The following VWA5B1 variants were observed in gnomAD, a reference collection of about 807,000 sequenced individuals.
VWA5B1 encodes the protein von Willebrand factor A domain-containing protein 5B1.
VWA5B1 carries 115 observed loss-of-function variants against 118.2 expected under a neutral mutation model. The observed-to-expected ratio is 0.97, with a 90% CI of 0.84 to 1.14. The LOEUF is 1.14. Among genes scored for constraint, VWA5B1 ranks in the 50% most tolerant of loss-of-function variants. VWA5B1 has a pLI of 0.00. For synonymous variants in VWA5B1, 682 were observed against 658.4 expected (o/e 1.04, Z -0.55); for missense variants, 1,596 against 1,603.8 (o/e 1.00, Z 0.08).
At chr1:20,342,956 G>T in intron 15 of VWA5B1, 123 bp from the exon 16 acceptor site, 1 of 1,434,858 alleles carries the variant, frequency 7.0e-7, no homozygotes. Flanking sequence ...CTGTTCCCTG[G>T]GGAGATGGAG....
intron 18 of VWA5B1, 35 bp from the exon 19 acceptor site, chr1:20,350,121 G>C: frequency 6.5e-7 from 1 of 1,543,206 alleles, no homozygotes; most frequent in Non-Finnish European, 8.8e-7. Context: ...GGAAGGGAGG[G>C]GAGAGGTCCA....
chr1:20,324,528 G>C (rs1016963688), intron 8 of VWA5B1, among the ~76,000 whole-genome samples: 3 of 152,182 alleles, frequency 2.0e-5, no homozygotes, highest in African/African-American at 7.2e-5. Flanking sequence ...ATGGGGCCTA[G>C]CTCTGTGTTT....
At chr1:20,306,831 GA>G (rs1317349970) in intron 1 of VWA5B1, among the ~76,000 whole-genome samples, 2 of 152,150 alleles carry the variant, frequency 1.3e-5, no homozygotes, top group African/African-American at 4.8e-5. Context: ...ATTTCATCAG[GA>G]AAACACAGTC....
intron 1 of VWA5B1, among the ~76,000 whole-genome samples, chr1:20,306,596 G>C (rs1284716608): frequency 6.6e-6 from 1 of 152,196 alleles, no homozygotes; most frequent in Middle Eastern, 3.2e-3. Context: ...GTCCTTCAGT[G>C]TCCTTGGGAG....
intron 1 of VWA5B1, among the ~76,000 whole-genome samples, chr1:20,304,030 C>G (rs1388963983): frequency 2.0e-5 from 3 of 152,210 alleles, no homozygotes; most frequent in African/African-American, 7.2e-5. Flanking sequence ...GCCTGTAAAG[C>G]ACTAGAACCT....
At chr1:20,333,573 TC>T (rs1433117928) in intron 12 of VWA5B1, among the ~76,000 whole-genome samples, 2 of 152,316 alleles carry the variant, frequency 1.3e-5, no homozygotes, top group East Asian at 3.9e-4. Context: ...TTACATAATT[TC>T]CCCTAAGTGA....
At chr1:20,351,219 T>G (rs932225600) in intron 20 of VWA5B1, among the ~76,000 whole-genome samples, 5 of 152,172 alleles carry the variant, frequency 3.3e-5, no homozygotes, top group South Asian at 2.1e-4. Context: ...AAGAATGTGA[T>G]AGTAAAAGAG....
chr1:20,317,752 GGGAA>G, intron 5 of VWA5B1, 77 bp downstream of exon 5: 2 of 765,524 alleles, frequency 2.6e-6, no homozygotes, highest in Non-Finnish European at 4.1e-6. Context: ...GGACGGGGGT[GGGAA>G]GGAAAGCCAA....
intron 18 of VWA5B1, among the ~76,000 whole-genome samples, chr1:20,348,584 T>C (rs2090058450): frequency 6.6e-6 from 1 of 152,060 alleles, no homozygotes; most frequent in Non-Finnish European, 1.5e-5. Context: ...CAGTTCTCTC[T>C]TTGCCAGGGA....
In VWA5B1 at chr1:20,337,836, G is replaced by A; in HGVS notation, c.2133G>A (p.Gln711=). 3 of 1,551,702 alleles carry A rather than the reference G, an allele frequency of 1.9e-6. No homozygotes were observed. Among genetic ancestry groups the A allele is most frequent in the African/African-American group, 1.4e-5 (1 of 73,152 alleles). Residue 711 remains glutamine, a splice_region_variant and synonymous_variant, in exon 14 of 22, where the codon CAG becomes CAA. Transcript: ENST00000289815. ...LDVQRWQIDL[Q]PLLNSGQDLN... is the part of the protein sequence containing the mutation. ...TCCAGCGGTGGCAGATTGATTTGCA[G>A]GTACCCAAGCAGGACAGATTAGGGA...
At chr1:20,297,884 C>T (rs2088434328) in intron 1 of VWA5B1, among the ~76,000 whole-genome samples, 1 of 151,534 alleles carries the variant, frequency 6.6e-6, no homozygotes, top group African/African-American at 2.4e-5. Context: ...CCGTATTTTG[C>T]TCCTATTCAT....
chr1:20,314,382 C>A lies in VWA5B1; in HGVS notation c.353C>A (p.Thr118Asn), dbSNP rs755532956. The change falls in exon 4 of 22, where the codon ACC (threonine) becomes AAC (asparagine). Residue 118 changes from threonine to asparagine, a missense_variant. Physicochemically the swap from Thr to Asn is moderately conservative, Grantham distance 65. Transcript: ENST00000289815. ...CATTCCTGCACACCGGGAAAGGTGACCTTGGACGAGGATTTGGAGCGGATC... is the reference window on the plus strand; with the variant it reads ...CATTCCTGCACACCGGGAAAGGTGAACTTGGACGAGGATTTGGAGCGGATC... ...APHSCTPGKVTLDEDLERILF... is the reference protein window; with the variant it reads ...APHSCTPGKVNLDEDLERILF... The A allele has an allele frequency of 3.9e-6, 6 of 1,551,870 alleles. No individual in the cohort carries two copies. Among genetic ancestry groups the A allele is most frequent in the East Asian group, 2.4e-5 (1 of 40,926 alleles).
intron 14 of VWA5B1, chr1:20,339,103 C>T (rs1444917415): frequency 2.0e-5 from 3 of 152,192 alleles, no homozygotes; most frequent in Non-Finnish European, 4.4e-5. Context: ...GGCCTCTGCT[C>T]GCTAGAGGCC....
chr1:20,310,212 G>A (rs1199819120), intron 1 of VWA5B1, among the ~76,000 whole-genome samples: 1 of 152,144 alleles, frequency 6.6e-6, no homozygotes, highest in Non-Finnish European at 1.5e-5. Flanking sequence ...GATGGGGTCA[G>A]AGCCTGAGCC....
At chr1:20,345,387 C>A (rs958990713) in intron 16 of VWA5B1, 69 bp from the exon 17 acceptor site, 4 of 1,546,912 alleles carry the variant, frequency 2.6e-6, no homozygotes, top group Admixed American at 4.0e-5. Context: ...CCCTTTTTAG[C>A]TTCCAAAGCT....
rs1316892573 is a variant in VWA5B1, at chr1:20,312,924, G to A, written c.228G>A (p.Lys76=). The A allele has an allele frequency of 1.1e-5, 17 of 1,551,744 alleles. No individual in the cohort carries two copies. The highest frequency in any genetic ancestry group is 1.3e-5 in the Non-Finnish European group (15 of 1,147,006). ...ACCGTGTCGTGACAGTACAGATCAA[G>A]GACAAAGCCAAGCTGGAGAGCGGCC... ...IADRVVTVQI[K]DKAKLESGHF... Residue 76 remains lysine, a synonymous_variant, in exon 3 of 22, where the codon AAG becomes AAA. Coordinates refer to ENST00000289815, the MANE Select transcript of VWA5B1 (RefSeq NM_001039500.3).
chr1:20,354,198 C>A lies in VWA5B1; in HGVS notation c.3583C>A (p.Leu1195Ile), dbSNP rs1269488608. Residue 1195 changes from leucine to isoleucine, a missense_variant, in exon 22 of 22, where the codon CTT becomes ATT. By Grantham distance (5) the Leu-to-Ile change is conservative. Transcript: ENST00000289815. Reference protein sequence around the residue: ...LKAAARQLFVLLRHWDENLEF... With the variant: ...LKAAARQLFVILRHWDENLEF... ...GGCCGCTGCCCGCCAGCTGTTTGTG[C>A]TTCTGCGGCACTGGGATGAGAATCT... 6.4e-7 allele frequency: 1 copy of A among 1,551,198 alleles called. No homozygotes were observed. The highest frequency in any genetic ancestry group is 1.2e-5 in the South Asian group (1 of 84,056).
At position 20,358,711 on chromosome 1, in the gene VWA5B1, A is replaced by G. The variant is rs1197693605; in HGVS notation, c.*4448A>G. Among the ~76,000 whole-genome samples the G allele has an allele frequency of 6.6e-6, 1 of 152,256 alleles. No individual in the cohort carries two copies. Among genetic ancestry groups the G allele is most frequent in the Non-Finnish European group, 1.5e-5 (1 of 68,052 alleles). ...CGCCCCATGAATGGGGCATGTGCTC[A>G]TTGCCTTGGCATCTGGAAGATTTTG... On this transcript the variant is annotated 3_prime_UTR_variant, in exon 22 of 22. Coordinates refer to ENST00000289815, the MANE Select transcript of VWA5B1 (RefSeq NM_001039500.3).
chr1:20,348,165 A>T (rs1177258926), intron 17 of VWA5B1, 80 bp from the exon 18 acceptor site: 2 of 1,286,110 alleles, frequency 1.6e-6, no homozygotes, highest in Non-Finnish European at 2.2e-6. Flanking sequence ...AGCCAGAATC[A>T]TTCCTGTCAG....
Sources: gnomAD v4.1 joint callset for allele counts (sites outside exome capture counted in the v4.1 genomes callset) on GRCh38, gnomAD v4.1.1 for gene constraint, MANE v1.5 for transcripts, NCBI Gene and HGNC (gene_info 2026-07-23, HGNC 2026-07-21) for gene names.